Variants in FAM167A observed in about 807,000 individuals in gnomAD.
FAM167A encodes the protein family with sequence similarity 167 member A.
FAM167A carries 23 observed loss-of-function variants against 14.9 expected under a neutral mutation model. The ratio of observed to expected loss-of-function variants is 1.55; its 90% confidence interval spans 1.11 to 2.19. FAM167A has a LOEUF of 2.19. FAM167A is among the 30% of genes most tolerant of loss of function. FAM167A has a pLI of 0.00. For synonymous variants in FAM167A, 174 were observed against 117.7 expected, an observed-to-expected ratio of 1.48 and a Z score of -3.10; for missense variants, 401 against 281.5, an observed-to-expected ratio of 1.42 and a Z score of -3.04.
chr8:11,461,365 T>A (rs968091052), intron 1 of FAM167A, among the ~76,000 whole-genome samples: 1 of 152,272 alleles, frequency 6.6e-6, no homozygotes, highest in Non-Finnish European at 1.5e-5. Context: ...AAGGCAGGGA[T>A]GCCCAGACGG....
chr8:11,471,053 T>A (rs1807946596), upstream of FAM167A, among the ~76,000 whole-genome samples: 1 of 152,034 alleles, frequency 6.6e-6, no homozygotes, highest in Admixed American at 6.6e-5. Flanking sequence ...GCACGTGGCT[T>A]TTTGGTAGGA....
intron 2 of FAM167A, among the ~76,000 whole-genome samples, chr8:11,431,544 T>C (rs7846252): frequency 0.81 from 123,489 of 152,176 alleles, 50,455 homozygotes; most frequent in Middle Eastern, 0.89. Context: ...CATATTTTAC[T>C]GACATTTAAA....
intron 2 of FAM167A, among the ~76,000 whole-genome samples, chr8:11,439,107 C>G (rs1000181690): frequency 6.6e-6 from 1 of 152,246 alleles, no homozygotes; most frequent in African/African-American, 2.4e-5. Context: ...GTGTCTGTGT[C>G]GTGGCTTAGC....
intron 1 of FAM167A, among the ~76,000 whole-genome samples, chr8:11,450,256 T>C (rs981064505): frequency 6.6e-6 from 1 of 152,196 alleles, no homozygotes; most frequent in Non-Finnish European, 1.5e-5. Flanking sequence ...GGGCTGTGTG[T>C]ACCCAGGACA....
chr8:11,462,513 C>T (rs1389378853), intron 1 of FAM167A, among the ~76,000 whole-genome samples: 1 of 152,190 alleles, frequency 6.6e-6, no homozygotes, highest in Non-Finnish European at 1.5e-5. Flanking sequence ...GGAAATGGCT[C>T]CTGCACTGCG....
chr8:11,473,478 A>G (rs537008445), intron 1 of FAM167A, among the ~76,000 whole-genome samples: 2 of 152,238 alleles, frequency 1.3e-5, no homozygotes, highest in East Asian at 3.9e-4. Context: ...CAACAACTGT[A>G]CCCCGAAGAG....
intron 1 of FAM167A, chr8:11,445,475 G>T (rs550708363): frequency 7.5e-5 from 74 of 985,716 alleles, no homozygotes; most frequent in Non-Finnish European, 8.6e-5. Context: ...GGAAGAAGGC[G>T]GTGGCACCTG....
intron 1 of FAM167A, among the ~76,000 whole-genome samples, chr8:11,447,924 C>T (rs548488371): frequency 1.3e-5 from 2 of 152,184 alleles, no homozygotes; most frequent in African/African-American, 4.8e-5. Flanking sequence ...GGCCGGGCGC[C>T]GTGGCTCATA....
At chr8:11,473,677 A>C (rs577306956) in intron 1 of FAM167A, among the ~76,000 whole-genome samples, 2 of 152,278 alleles carry the variant, frequency 1.3e-5, no homozygotes, top group East Asian at 3.9e-4. Flanking sequence ...CCTTGCTGTC[A>C]GGCTGCTTTG....
chr8:11,432,895 G>A (rs1805711891), intron 2 of FAM167A, among the ~76,000 whole-genome samples: 1 of 152,170 alleles, frequency 6.6e-6, no homozygotes, highest in African/African-American at 2.4e-5. Context: ...AAAAAAGGAT[G>A]AGTTCATGTC....
chr8:11,442,260 C>T (rs558751905), intron 2 of FAM167A, among the ~76,000 whole-genome samples: 1 of 152,084 alleles, frequency 6.6e-6, no homozygotes, highest in Non-Finnish European at 1.5e-5. Context: ...CTTGTAGACT[C>T]GAGGCCCAGG....
intron 1 of FAM167A, chr8:11,445,708 T>C (rs900985194): frequency 6.9e-5 from 53 of 766,140 alleles, no homozygotes; most frequent in Non-Finnish European, 7.5e-5. Flanking sequence ...GACCGCAGCC[T>C]CCAGACTCTG....
chr8:11,462,515 T>G (rs535397236), intron 1 of FAM167A, among the ~76,000 whole-genome samples: 13 of 152,360 alleles, frequency 8.5e-5, no homozygotes, highest in Admixed American at 8.5e-4. Flanking sequence ...AAATGGCTCC[T>G]GCACTGCGAA....
At chr8:11,474,062 A>T (rs1379168230) in intron 1 of FAM167A, among the ~76,000 whole-genome samples, 2 of 151,920 alleles carry the variant, frequency 1.3e-5, no homozygotes, top group Admixed American at 1.3e-4. Context: ...TTTAGTAGAG[A>T]TGGGGTTTCA....
At chr8:11,451,492 T>C (rs1807026044) in intron 1 of FAM167A, among the ~76,000 whole-genome samples, 1 of 152,262 alleles carries the variant, frequency 6.6e-6, no homozygotes, top group Non-Finnish European at 1.5e-5. Flanking sequence ...TTGTCTTTCG[T>C]TGGACTGTGT....
At chr8:11,439,138 T>C (rs1448530459) in intron 2 of FAM167A, among the ~76,000 whole-genome samples, 2 of 152,260 alleles carry the variant, frequency 1.3e-5, no homozygotes, top group African/African-American at 2.4e-5. Context: ...CATATGACCT[T>C]GGCCAAGTCG....
upstream of FAM167A, among the ~76,000 whole-genome samples, chr8:11,468,417 G>GC (rs910679273): frequency 4.9e-4 from 75 of 152,256 alleles, no homozygotes; most frequent in African/African-American, 1.6e-3. Flanking sequence ...GGTGCTGGCA[G>GC]CCCCCTGCCT....
intron 2 of FAM167A, among the ~76,000 whole-genome samples, chr8:11,429,870 CT>C (rs1451823513): frequency 6.6e-6 from 1 of 152,240 alleles, no homozygotes; most frequent in East Asian, 1.9e-4. Context: ...CTTCTCATCT[CT>C]TCTAAGGACA....
At chr8:11,472,603 C>T (rs12547167) in intron 1 of FAM167A, among the ~76,000 whole-genome samples, 71,330 of 151,780 alleles carry the variant, frequency 0.47, 18,677 homozygotes, top group East Asian at 0.97. Flanking sequence ...AACAGAAGAC[C>T]GGAAACCCTG....
Sources: allele counts gnomAD v4.1 joint callset (sites outside exome capture counted in the v4.1 genomes callset), GRCh38; gene constraint gnomAD v4.1.1; transcripts MANE v1.5; gene names NCBI Gene and HGNC (gene_info 2026-07-23, HGNC 2026-07-21).